Variants in NFIA observed in about 807,000 individuals in gnomAD.
NFIA encodes the protein nuclear factor 1 A-type.
In NFIA, 8 loss-of-function variants were observed where a neutral mutation model predicts 62.8. That is an observed-to-expected ratio of 0.13 (90% CI 0.07 to 0.23). NFIA has a LOEUF of 0.23. NFIA is among the 10% of genes least tolerant of loss of function. NFIA has a pLI of 1.00. For missense variants in NFIA, 410 were observed against 642.1 expected (o/e 0.64, Z 3.91); for synonymous variants, 235 against 238.1 (o/e 0.99, Z 0.12).
At chr1:61,432,131 G>A (rs1667120547) in intron 10 of NFIA, among the ~76,000 whole-genome samples, 1 of 152,084 alleles carries the variant, frequency 6.6e-6, no homozygotes, top group African/African-American at 2.4e-5. Flanking sequence ...TCCAAAGAGT[G>A]GAAGCAGCAG....
chr1:61,428,163 C>T (rs1666949572), intron 10 of NFIA, among the ~76,000 whole-genome samples: 1 of 152,120 alleles, frequency 6.6e-6, no homozygotes, highest in Non-Finnish European at 1.5e-5. Context: ...AGCTGTGATT[C>T]ACAGCCCTGA....
chr1:61,325,415 C>T (rs1005055339), intron 3 of NFIA, among the ~76,000 whole-genome samples: 1 of 152,118 alleles, frequency 6.6e-6, no homozygotes, highest in Non-Finnish European at 1.5e-5. Flanking sequence ...TCACTTTTTC[C>T]ATCATTTCTT....
chr1:61,289,123 C>A (rs7539370), intron 3 of NFIA, among the ~76,000 whole-genome samples: 2 of 152,074 alleles, frequency 1.3e-5, no homozygotes, highest in Non-Finnish European at 2.9e-5. Context: ...GAGCTTAAGT[C>A]CCCTGTTGGA....
chr1:61,105,565 C>T lies in NFIA; in HGVS notation c.559+16885C>T, dbSNP rs188195944. Among the ~76,000 whole-genome samples the T allele has an allele frequency of 2.6e-3, 389 of 152,010 alleles. 1 individual carries two copies. Among genetic ancestry groups the T allele is most frequent in the African/African-American group, 9.1e-3 (378 of 41,510 alleles). On this transcript the variant is annotated intron_variant, in intron 2 of 10. Transcript: ENST00000403491. ...TTCTTGTTTGATGTTGCTAGTTGAA[C>T]ACATCTCAGGTTGTGAGAAGTGCAT...
chr1:61,161,158 G>A lies in NFIA; in HGVS notation c.559+72478G>A, dbSNP rs543959030. Among the ~76,000 whole-genome samples, 92 of 152,232 alleles carry A rather than the reference G, an allele frequency of 6.0e-4. No homozygotes were observed. The Middle Eastern group carries it at 0.014, about 23-fold the overall frequency. On this transcript the variant is annotated intron_variant, in intron 2 of 10. Transcript: ENST00000403491. ...TCGAACTCCTGACCTCAAGTGATCC[G>A]TCCACCTTGGCCTCCCAAAGTGCTG...
chr1:61,097,076 A>G (rs1258216734), intron 2 of NFIA, among the ~76,000 whole-genome samples: 1 of 152,232 alleles, frequency 6.6e-6, no homozygotes, highest in African/African-American at 2.4e-5. Context: ...AATGAATCTT[A>G]AAGTTAGGGT....
chr1:61,199,980 G>A (rs1652307887), intron 2 of NFIA, among the ~76,000 whole-genome samples: 1 of 139,896 alleles, frequency 7.1e-6, no homozygotes, highest in South Asian at 2.2e-4. Flanking sequence ...GCACGACAGA[G>A]CGAGACTCCA....
rs1206670022 is a variant in NFIA at position 61,321,647 on chromosome 1, C to A, written c.626-10865C>A. 2.0e-5 allele frequency among the ~76,000 whole-genome samples: 3 copies of A among 151,792 alleles called. No individual in the cohort carries two copies. In the East Asian group the frequency reaches 5.8e-4, roughly 29 times the overall value. ...CAGGGAAATATGATTTTTTTAACCCCTCATTTTTTTATTAACCACAATTTT... is the reference window on the plus strand; with the variant it reads ...CAGGGAAATATGATTTTTTTAACCCATCATTTTTTTATTAACCACAATTTT... On this transcript the variant is annotated intron_variant, in intron 3 of 10. Coordinates refer to ENST00000403491, the MANE Select transcript of NFIA (RefSeq NM_001134673.4).
At chr1:61,177,515 A>G (rs1437549215) in intron 2 of NFIA, among the ~76,000 whole-genome samples, 1 of 152,182 alleles carries the variant, frequency 6.6e-6, no homozygotes, top group Non-Finnish European at 1.5e-5. Context: ...AACTTGAGCT[A>G]TTGTTATCCC....
intron 4 of NFIA, among the ~76,000 whole-genome samples, chr1:61,346,260 A>T (rs1662220557): frequency 6.6e-6 from 1 of 152,222 alleles, no homozygotes; most frequent in African/African-American, 2.4e-5. Context: ...GTCCTACCTA[A>T]CATCTCCACA....
At chr1:61,337,055 T>G (rs1450815950) in intron 4 of NFIA, among the ~76,000 whole-genome samples, 1 of 152,230 alleles carries the variant, frequency 6.6e-6, no homozygotes, top group Non-Finnish European at 1.5e-5. Flanking sequence ...TTTCCTCATG[T>G]GGATTCACTG....
intron 2 of NFIA, among the ~76,000 whole-genome samples, chr1:61,224,662 G>C (rs1372365310): frequency 4.6e-5 from 7 of 152,114 alleles, no homozygotes; most frequent in African/African-American, 1.7e-4. Flanking sequence ...CCAAGTGCCT[G>C]GTGGTGGGGG....
intron 3 of NFIA, among the ~76,000 whole-genome samples, chr1:61,317,380 A>G (rs1043961004): frequency 6.6e-6 from 1 of 152,104 alleles, no homozygotes; most frequent in African/African-American, 2.4e-5. Flanking sequence ...CTCTATAGAT[A>G]TTCAATATGT....
At chr1:61,222,132 G>C (rs1441360639) in intron 2 of NFIA, among the ~76,000 whole-genome samples, 8 of 152,120 alleles carry the variant, frequency 5.3e-5, no homozygotes, top group Non-Finnish European at 1.2e-4. Context: ...AAGTTTTACT[G>C]TAGAAATGGA....
intron 2 of NFIA, among the ~76,000 whole-genome samples, chr1:61,201,948 T>TTA (rs1046731600): frequency 1.3e-5 from 2 of 148,502 alleles, no homozygotes; most frequent in African/African-American, 4.9e-5. Context: ...AAGAAAATCT[T>TTA]AAAAAAAAAA....
intron 9 of NFIA, among the ~76,000 whole-genome samples, chr1:61,407,589 C>A (rs1168807122): frequency 1.4e-4 from 22 of 151,976 alleles, no homozygotes; most frequent in Non-Finnish European, 7.4e-5. Flanking sequence ...GATGCCCTAG[C>A]CTTGATAGAT....
chr1:61,182,717 C>T (rs959872649), intron 2 of NFIA, among the ~76,000 whole-genome samples: 1 of 152,114 alleles, frequency 6.6e-6, no homozygotes, highest in Non-Finnish European at 1.5e-5. Flanking sequence ...AAGTTCTTCT[C>T]TTCATATTCC....
Position 61,205,737 on chromosome 1 carries a change from G to A in NFIA, c.560-71783G>A, listed in dbSNP as rs183420665. Among the ~76,000 whole-genome samples the A allele has an allele frequency of 1.1e-4, 17 of 152,206 alleles. No individual in the cohort carries two copies. In the East Asian group the frequency reaches 3.3e-3, roughly 29 times the overall value. ...TTGGTTATCCAACGAGACAGGACCA[G>A]AGAGGTTTGTTGAATTGAGCGGACG... is the stretch of plus-strand genomic sequence containing the variant. On this transcript the variant is annotated intron_variant, in intron 2 of 10. Transcript: ENST00000403491.
intron 3 of NFIA, among the ~76,000 whole-genome samples, chr1:61,302,021 C>A (rs1366365211): frequency 6.6e-6 from 1 of 152,202 alleles, no homozygotes; most frequent in Non-Finnish European, 1.5e-5. Context: ...CTTGGACACA[C>A]TACTGTTGCT....
Sources: allele counts gnomAD v4.1 joint callset (sites outside exome capture counted in the v4.1 genomes callset), GRCh38; gene constraint gnomAD v4.1.1; transcripts MANE v1.5; gene names NCBI Gene and HGNC (gene_info 2026-07-23, HGNC 2026-07-21).